DAPK1: variants seen among roughly 807,000 people sequenced by gnomAD.
DAPK1 encodes the protein death associated protein kinase 1.
In DAPK1, 56 loss-of-function variants were observed where a neutral mutation model predicts 144.9. That is an observed-to-expected ratio of 0.39 (90% CI 0.31 to 0.48). The LOEUF is 0.48. Ranked by LOEUF, DAPK1 falls within the 20% of genes least tolerant of loss-of-function variation. DAPK1 has a pLI of 0.95. For synonymous variants in DAPK1, 690 were observed against 749.0 expected, an observed-to-expected ratio of 0.92 and a Z score of 1.29; for missense variants, 1,454 against 1,875.4, an observed-to-expected ratio of 0.78 and a Z score of 4.15.
At chr9:87,551,694 T>C (rs1826490181) in intron 2 of DAPK1, among the ~76,000 whole-genome samples, 1 of 152,126 alleles carries the variant, frequency 6.6e-6, no homozygotes, top group South Asian at 2.1e-4. Context: ...CAGGGCCACA[T>C]CCTCCTTCAT....
intron 2 of DAPK1, among the ~76,000 whole-genome samples, chr9:87,571,641 G>T (rs1487267653): frequency 2.0e-5 from 3 of 152,158 alleles, no homozygotes; most frequent in Non-Finnish European, 2.9e-5. Flanking sequence ...GCATCCTGCG[G>T]CTGCCCATCC....
At chr9:87,539,014 T>C (rs1825951105) in intron 2 of DAPK1, among the ~76,000 whole-genome samples, 1 of 150,336 alleles carries the variant, frequency 6.7e-6, no homozygotes, top group African/African-American at 2.4e-5. Flanking sequence ...TAGTTTAAAA[T>C]ATAAAATTAA....
At chr9:87,611,976 T>G (rs1828947184) in intron 3 of DAPK1, among the ~76,000 whole-genome samples, 2 of 152,192 alleles carry the variant, frequency 1.3e-5, no homozygotes, top group Non-Finnish European at 2.9e-5. Flanking sequence ...TAAGTTTATG[T>G]CTTACAGTGC....
Position 87,707,750 on chromosome 9 carries a change from A to G in DAPK1, c.*386A>G, listed in dbSNP as rs962106395. The G allele has an allele frequency of 2.3e-5, 10 of 437,520 alleles. No homozygotes were observed. Among genetic ancestry groups the G allele is most frequent in the African/African-American group, 1.4e-4 (7 of 49,000 alleles). The allele number at this position is 437,520 out of a possible 1,614,324, so 27.1% of individuals were successfully genotyped here. ...TATATTGATTGTCCTTTAAAAAAGA[A>G]AAGTGCATATTTATCCAAAATGTGT... On this transcript the variant is annotated 3_prime_UTR_variant, in exon 26 of 26. Coordinates refer to ENST00000408954, the MANE Select transcript of DAPK1 (RefSeq NM_004938.4). This position sits in a 1 kb window ranked among gnomAD's most constrained non-coding sequence, Gnocchi z 4.0.
At chr9:87,560,889 C>T (rs560320619) in intron 2 of DAPK1, among the ~76,000 whole-genome samples, 1 of 152,190 alleles carries the variant, frequency 6.6e-6, no homozygotes, top group South Asian at 2.1e-4. Flanking sequence ...TGGTCTTGAA[C>T]TCCTGACCTC....
At chr9:87,625,077 T>C (rs944778464) in intron 3 of DAPK1, among the ~76,000 whole-genome samples, 2 of 152,178 alleles carry the variant, frequency 1.3e-5, no homozygotes, top group African/African-American at 4.8e-5. Flanking sequence ...GGTGGAAGAA[T>C]GAAAGCAAAA....
chr9:87,685,342 T>C (rs1444210982), intron 20 of DAPK1, among the ~76,000 whole-genome samples: 1 of 152,198 alleles, frequency 6.6e-6, no homozygotes, highest in Non-Finnish European at 1.5e-5. Context: ...TCTTAACTCT[T>C]TGGTCTTTAA....
chr9:87,524,525 C>T lies in DAPK1; in HGVS notation c.62+25386C>T, dbSNP rs528523788. On this transcript the variant is annotated intron_variant, in intron 2 of 25. Transcript: ENST00000408954. Reference sequence around the variant, plus strand: ...AGCCGGGGTGGGTTTCTTGCCAGAACCACCTCCTCGCAGAATCCCAGGAGA... The same window carrying T: ...AGCCGGGGTGGGTTTCTTGCCAGAATCACCTCCTCGCAGAATCCCAGGAGA... Among the ~76,000 whole-genome samples the T allele has an allele frequency of 4.6e-5, 7 of 152,312 alleles. No individual in the cohort carries two copies. In the South Asian group the frequency reaches 1.4e-3, roughly 32 times the overall value.
At chr9:87,605,787 C>T (rs990202978) in intron 3 of DAPK1, among the ~76,000 whole-genome samples, 5 of 152,144 alleles carry the variant, frequency 3.3e-5, no homozygotes, top group African/African-American at 9.7e-5. Flanking sequence ...TATTCTGTGG[C>T]GTTTCTCATC....
intron 2 of DAPK1, among the ~76,000 whole-genome samples, chr9:87,518,416 C>CT (rs1261977263): frequency 2.6e-5 from 4 of 151,990 alleles, no homozygotes; most frequent in African/African-American, 9.7e-5. Flanking sequence ...GCGTGAGCCA[C>CT]TGCACCCAGC....
chr9:87,632,537 T>C, intron 3 of DAPK1: 5 of 972,668 alleles, frequency 5.1e-6, no homozygotes, highest in Non-Finnish European at 6.1e-6. Flanking sequence ...TGAAGGAAGA[T>C]GAGTATACAT....
chr9:87,536,472 G>T (rs1447714161), intron 2 of DAPK1, among the ~76,000 whole-genome samples: 1 of 151,924 alleles, frequency 6.6e-6, no homozygotes, highest in Admixed American at 6.6e-5. Flanking sequence ...AAGAGCCTAA[G>T]ATTTTGACAA....
At chr9:87,670,288 C>A (rs1163308303) in intron 19 of DAPK1, among the ~76,000 whole-genome samples, 1 of 151,952 alleles carries the variant, frequency 6.6e-6, no homozygotes, top group Non-Finnish European at 1.5e-5. Flanking sequence ...AGAGGACCAG[C>A]CAAACCAGAC....
chr9:87,642,934 C>T (rs753604244), intron 10 of DAPK1, among the ~76,000 whole-genome samples: 8 of 152,262 alleles, frequency 5.3e-5, no homozygotes, highest in African/African-American at 1.2e-4. Context: ...ACAGCTGTTG[C>T]GTTTTGGTTA....
At chr9:87,541,367 A>G (rs977581640) in intron 2 of DAPK1, among the ~76,000 whole-genome samples, 2 of 152,044 alleles carry the variant, frequency 1.3e-5, no homozygotes, top group African/African-American at 4.8e-5. Flanking sequence ...CGCCAACATG[A>G]TGAAACCCTG....
chr9:87,588,444 C>G (rs1168784289), intron 2 of DAPK1, among the ~76,000 whole-genome samples: 1 of 152,112 alleles, frequency 6.6e-6, no homozygotes, highest in East Asian at 1.9e-4. Context: ...CTTTTGAGTG[C>G]TACAGCTGCC....
In DAPK1 at chr9:87,602,922, T is replaced by TTCTCTCTCTCTCTCTCTCTC. The variant is rs143584239; in HGVS notation, c.63-2025_63-2006dup. Among the ~76,000 whole-genome samples the TTCTCTCTCTCTCTCTCTCTC allele has an allele frequency of 4.5e-3, 660 of 146,472 alleles. 8 individuals are homozygous for TTCTCTCTCTCTCTCTCTCTC. Among genetic ancestry groups the TTCTCTCTCTCTCTCTCTCTC allele is most frequent in the African/African-American group, 0.016 (631 of 39,500 alleles). ...GGTTTTTCTTTCTCTGTCTCTCTGT[T>TTCTCTCTCTCTCTCTCTCTC]TCTCTCTCTCTCTCTCTCTCTCTCT... On this transcript the variant is annotated intron_variant, in intron 2 of 25. Coordinates refer to ENST00000408954, the MANE Select transcript of DAPK1 (RefSeq NM_004938.4).
intron 18 of DAPK1, among the ~76,000 whole-genome samples, chr9:87,659,583 G>C (rs185761782): frequency 2.0e-5 from 3 of 152,198 alleles, no homozygotes; most frequent in Non-Finnish European, 4.4e-5. Flanking sequence ...TGAAATGTGC[G>C]GCCCCCTCTG....
At chr9:87,580,216 TG>T (rs1289382912) in intron 2 of DAPK1, among the ~76,000 whole-genome samples, 1 of 152,198 alleles carries the variant, frequency 6.6e-6, no homozygotes, top group Non-Finnish European at 1.5e-5. Context: ...CTGCCCTGTG[TG>T]CTCTTTCTTC....
Sources: gnomAD v4.1 joint callset for allele counts (sites outside exome capture counted in the v4.1 genomes callset) on GRCh38, gnomAD v4.1.1 for gene constraint, Gnocchi (gnomAD v3.1) non-coding constraint, MANE v1.5 for transcripts, NCBI Gene and HGNC (gene_info 2026-07-23, HGNC 2026-07-21) for gene names.